PTPRD: variants seen among roughly 807,000 people sequenced by gnomAD.
PTPRD encodes receptor-type tyrosine-protein phosphatase delta.
In PTPRD, 34 loss-of-function variants were observed where a neutral mutation model predicts 214.5. The observed-to-expected ratio is 0.16, with a 90% CI of 0.12 to 0.21. PTPRD has a LOEUF of 0.21. Ranked by LOEUF, PTPRD falls within the 10% of genes least tolerant of loss-of-function variation. The pLI, the probability that PTPRD is intolerant of heterozygous loss-of-function variation, is 1.00. For synonymous variants in PTPRD, 1,128 were observed against 845.7 expected, an observed-to-expected ratio of 1.33 and a Z score of -5.79; for missense variants, 2,545 against 2,398.7, an observed-to-expected ratio of 1.06 and a Z score of -1.27.
intron 9 of PTPRD, among the ~76,000 whole-genome samples, chr9:9,246,826 T>C (rs1237758404): frequency 6.6e-6 from 1 of 152,018 alleles, no homozygotes; most frequent in African/African-American, 2.4e-5. Context: ...GGAAGTTTCC[T>C]GTTAAGGAAG....
intron 3 of PTPRD, among the ~76,000 whole-genome samples, chr9:10,037,704 T>TC (rs1160176233): frequency 6.6e-6 from 1 of 152,024 alleles, no homozygotes; most frequent in Non-Finnish European, 1.5e-5. Flanking sequence ...AGAGGATCAA[T>TC]CTTCGTTTTC....
chr9:10,476,711 A>G (rs1339252227), intron 2 of PTPRD, among the ~76,000 whole-genome samples: 1 of 152,166 alleles, frequency 6.6e-6, no homozygotes, highest in African/African-American at 2.4e-5. Flanking sequence ...ACAAAGCCAG[A>G]GACATCATGC....
chr9:9,190,397 G>A (rs2099934386), intron 9 of PTPRD, among the ~76,000 whole-genome samples: 1 of 151,962 alleles, frequency 6.6e-6, no homozygotes, highest in Admixed American at 6.6e-5. Context: ...TAAGTCTCAC[G>A]AGATCCAGTG....
At chr9:9,498,094 G>A (rs2096267503) in intron 8 of PTPRD, among the ~76,000 whole-genome samples, 1 of 152,144 alleles carries the variant, frequency 6.6e-6, no homozygotes, top group African/African-American at 2.4e-5. Flanking sequence ...CCAGGAAGCA[G>A]TTTACTTACC....
At chr9:8,493,278 G>A (rs1165577702) in intron 26 of PTPRD, among the ~76,000 whole-genome samples, 2 of 152,168 alleles carry the variant, frequency 1.3e-5, no homozygotes, top group Admixed American at 6.5e-5. Context: ...AGCTTGGACA[G>A]ACCAAGTATG....
At chr9:8,801,823 T>C (rs2096577586) in intron 11 of PTPRD, among the ~76,000 whole-genome samples, 3 of 152,234 alleles carry the variant, frequency 2.0e-5, no homozygotes, top group Admixed American at 2.0e-4. Context: ...TGGCCTGACC[T>C]CTGTTTAGTC....
chr9:10,523,401 TCTC>T (rs1292022259), intron 2 of PTPRD, among the ~76,000 whole-genome samples: 1 of 151,540 alleles, frequency 6.6e-6, no homozygotes, highest in Admixed American at 6.6e-5. Flanking sequence ...AAGCAACACT[TCTC>T]CTAGCTCAGC....
chr9:8,493,147 G>A (rs1267425542), intron 26 of PTPRD, among the ~76,000 whole-genome samples, 168 bp from the exon 27 acceptor site: 1 of 152,176 alleles, frequency 6.6e-6, no homozygotes, highest in African/African-American at 2.4e-5. Context: ...CTGTTTTCAT[G>A]CTGATATCGA....
chr9:8,836,595 T>A (rs894882098), intron 11 of PTPRD, among the ~76,000 whole-genome samples: 23 of 111,510 alleles, frequency 2.1e-4, no homozygotes, highest in African/African-American at 7.8e-4. Flanking sequence ...ACCTTTTTTT[T>A]TTTTTTTTTT....
intron 3 of PTPRD, among the ~76,000 whole-genome samples, chr9:10,078,553 A>G (rs984080920): frequency 6.7e-6 from 1 of 149,096 alleles, no homozygotes; most frequent in Non-Finnish European, 1.5e-5. Context: ...GAACCCACCC[A>G]TATAATCCTA....
chr9:8,418,457 C>A (rs748048741), intron 35 of PTPRD, among the ~76,000 whole-genome samples: 2 of 151,994 alleles, frequency 1.3e-5, no homozygotes, highest in Non-Finnish European at 2.9e-5. Flanking sequence ...TTTGACAATT[C>A]TTTATTTCCC....
At chr9:9,378,090 A>G (rs752832521) in intron 9 of PTPRD, among the ~76,000 whole-genome samples, 1 of 152,068 alleles carries the variant, frequency 6.6e-6, no homozygotes, top group Non-Finnish European at 1.5e-5. Context: ...CGTTATCCAA[A>G]GACCACAGTT....
intron 11 of PTPRD, among the ~76,000 whole-genome samples, chr9:8,783,419 T>G (rs1056797685): frequency 6.6e-6 from 1 of 152,260 alleles, no homozygotes; most frequent in African/African-American, 2.4e-5. Context: ...TTTATTTTGC[T>G]ACATGATGGA....
At chr9:8,986,460 G>A (rs1487609605) in intron 11 of PTPRD, among the ~76,000 whole-genome samples, 1 of 151,426 alleles carries the variant, frequency 6.6e-6, no homozygotes, top group Non-Finnish European at 1.5e-5. Flanking sequence ...ATGCATATAT[G>A]TCATATTTTT....
intron 7 of PTPRD, among the ~76,000 whole-genome samples, chr9:9,649,108 T>A (rs1332058154): frequency 6.6e-6 from 1 of 152,112 alleles, no homozygotes; most frequent in East Asian, 1.9e-4. Context: ...AGACGCAGTG[T>A]TATTCAGGGT....
chr9:10,562,419 G>C (rs970074540), intron 2 of PTPRD, among the ~76,000 whole-genome samples: 1 of 151,466 alleles, frequency 6.6e-6, no homozygotes, highest in Non-Finnish European at 1.5e-5. Context: ...TGTTCTGTAT[G>C]TTTGTCTGTT....
chr9:10,062,403 C>T (rs1437185001), intron 3 of PTPRD, among the ~76,000 whole-genome samples: 2 of 151,840 alleles, frequency 1.3e-5, no homozygotes, highest in Admixed American at 1.3e-4. Flanking sequence ...GTCAGGAGTT[C>T]AAAACCAGCC....
At chr9:9,315,695 C>A (rs1471401090) in intron 9 of PTPRD, among the ~76,000 whole-genome samples, 3 of 151,558 alleles carry the variant, frequency 2.0e-5, no homozygotes, top group Non-Finnish European at 4.4e-5. Flanking sequence ...GTAGAATATT[C>A]CTTGCCAGTA....
At chr9:8,828,868 G>C (rs1006825255) in intron 11 of PTPRD, among the ~76,000 whole-genome samples, 3 of 152,102 alleles carry the variant, frequency 2.0e-5, no homozygotes, top group Non-Finnish European at 4.4e-5. Context: ...AGCCATGGCA[G>C]ATTTGTTATT....
Sources: gnomAD v4.1 joint callset for allele counts (sites outside exome capture counted in the v4.1 genomes callset) on GRCh38, gnomAD v4.1.1 for gene constraint, MANE v1.5 for transcripts, NCBI Gene and HGNC (gene_info 2026-07-23, HGNC 2026-07-21) for gene names.